The following BTBD16 variants were observed in gnomAD, a reference collection of about 807,000 sequenced individuals.
BTBD16 encodes BTB domain containing 16.
Under a neutral mutation model 67.4 loss-of-function variants are expected in BTBD16, and 66 were observed. The ratio of observed to expected loss-of-function variants is 0.98; its 90% CI spans 0.80 to 1.20. BTBD16 has a LOEUF of 1.20. Among genes scored for constraint, BTBD16 ranks in the 50% most tolerant of loss-of-function variants. The pLI is 0.00. For synonymous variants in BTBD16, 242 were observed against 236.4 expected (o/e 1.02, Z -0.22); for missense variants, 634 against 616.0 (o/e 1.03, Z -0.31).
intron 3 of BTBD16, among the ~76,000 whole-genome samples, chr10:122,279,545 C>CACAT (rs1398945812): frequency 6.6e-6 from 1 of 150,654 alleles, no homozygotes; most frequent in Non-Finnish European, 1.5e-5. Flanking sequence ...CACACACACA[C>CACAT]ATCTTTTCTT....
intron 13 of BTBD16, among the ~76,000 whole-genome samples, chr10:122,333,721 C>T (rs528810417): frequency 4.6e-5 from 7 of 151,832 alleles, no homozygotes; most frequent in Non-Finnish European, 8.8e-5. Context: ...TAAATGGAGC[C>T]ATGTGCAGCC....
intron 1 of BTBD16, among the ~76,000 whole-genome samples, chr10:122,274,510 A>G (rs2142039398): frequency 6.6e-6 from 1 of 152,132 alleles, no homozygotes; most frequent in Admixed American, 6.5e-5. Context: ...CCGCAACCCC[A>G]TAATCAAATG....
chr10:122,301,287 G>A (rs10788274), intron 9 of BTBD16, among the ~76,000 whole-genome samples: 97,798 of 152,098 alleles, frequency 0.64, 32,877 homozygotes, highest in East Asian at 0.91. Context: ...GACCACAACC[G>A]GAAGGTTAGC....
Position 122,334,494 on chromosome 10 carries a change from C to CTT in BTBD16, c.1165-358_1165-357dup, listed in dbSNP as rs869262992. Among the ~76,000 whole-genome samples, 114 of 43,284 alleles carry CTT rather than the reference C, an allele frequency of 2.6e-3. 18 individuals carry two copies. The highest frequency in any genetic ancestry group is 7.3e-3 in the African/African-American group (59 of 8,080). The allele number at this position is 43,284 out of a possible 152,430, so 28.4% of individuals were successfully genotyped here. ...ACAGGTGTGAGCCACCGTGCCCGGC[C>CTT]TTTTTTTTTTTTTTTTTTTTTTTTT... is the stretch of plus-strand genomic sequence containing the variant. On this transcript the variant is annotated intron_variant, in intron 13 of 15. Transcript: ENST00000260723.
At chr10:122,292,033 C>A (rs933889478) in intron 7 of BTBD16, among the ~76,000 whole-genome samples, 1 of 152,188 alleles carries the variant, frequency 6.6e-6, no homozygotes, top group Non-Finnish European at 1.5e-5. Context: ...GGTGTTTCCA[C>A]CTGCATCCAA....
intron 4 of BTBD16, among the ~76,000 whole-genome samples, chr10:122,285,246 C>T (rs1378865265): frequency 6.6e-6 from 1 of 152,132 alleles, no homozygotes; most frequent in Non-Finnish European, 1.5e-5. Context: ...AGGAGCTGAG[C>T]CATGCAGAGT....
At chr10:122,279,566 A>G (rs1166088207) in intron 3 of BTBD16, among the ~76,000 whole-genome samples, 1 of 136,268 alleles carries the variant, frequency 7.3e-6, no homozygotes, top group Non-Finnish European at 1.6e-5. Context: ...TGTGTTCACA[A>G]TAGGAATTTG....
At chr10:122,317,236 A>G (rs2096426888) in intron 10 of BTBD16, among the ~76,000 whole-genome samples, 1 of 152,252 alleles carries the variant, frequency 6.6e-6, no homozygotes, top group South Asian at 2.1e-4. Flanking sequence ...TTAGCTTAAA[A>G]CACAAACACG....
intron 10 of BTBD16, among the ~76,000 whole-genome samples, chr10:122,313,257 G>GTTTTTTTTTT (rs58984425): frequency 3.6e-5 from 5 of 139,138 alleles, no homozygotes; most frequent in African/African-American, 5.3e-5. Flanking sequence ...AGTTAGTGCT[G>GTTTTTTTTTT]TTTTTTTTTT....
At chr10:122,296,407 A>G (rs10887121) in intron 7 of BTBD16, among the ~76,000 whole-genome samples, 6,144 of 152,244 alleles carry the variant, frequency 0.04, 385 homozygotes, top group East Asian at 0.23. Context: ...ACATTTTAGA[A>G]TAAGTGCAAG....
At chr10:122,314,653 A>G (rs1043300988) in intron 10 of BTBD16, among the ~76,000 whole-genome samples, 24 of 152,250 alleles carry the variant, frequency 1.6e-4, no homozygotes, top group African/African-American at 5.8e-4. Context: ...ACATTTTTAT[A>G]TTCTAATTGT....
chr10:122,302,601 A>G (rs1421544318), intron 9 of BTBD16, among the ~76,000 whole-genome samples: 1 of 152,170 alleles, frequency 6.6e-6, no homozygotes, highest in Non-Finnish European at 1.5e-5. Flanking sequence ...CATCTGTCCC[A>G]TGGCTTTGCC....
intron 7 of BTBD16, among the ~76,000 whole-genome samples, chr10:122,294,433 A>G (rs972081613): frequency 6.6e-6 from 1 of 152,228 alleles, no homozygotes; most frequent in Admixed American, 6.5e-5. Context: ...CACAGCTTCC[A>G]CTGGGTGATG....
chr10:122,287,128 C>A (rs1315640126), intron 5 of BTBD16, among the ~76,000 whole-genome samples: 2 of 152,256 alleles, frequency 1.3e-5, no homozygotes, highest in East Asian at 3.8e-4. Flanking sequence ...CCCTTCCCCG[C>A]TGTGCAGGCA....
At chr10:122,304,795 T>C (rs911787) in intron 9 of BTBD16, among the ~76,000 whole-genome samples, 85,729 of 151,808 alleles carry the variant, frequency 0.56, 25,191 homozygotes, top group East Asian at 0.89. Flanking sequence ...CCTCGTGATC[T>C]GCCCGCCTCG....
chr10:122,310,407 A>G (rs1205324712), intron 10 of BTBD16, among the ~76,000 whole-genome samples: 6 of 152,210 alleles, frequency 3.9e-5, no homozygotes, highest in Non-Finnish European at 7.4e-5. Context: ...CTGCTGGCCT[A>G]GCAGGGCTGG....
intron 10 of BTBD16, among the ~76,000 whole-genome samples, chr10:122,307,766 G>T (rs771436892): frequency 6.6e-6 from 1 of 152,176 alleles, no homozygotes; most frequent in African/African-American, 2.4e-5. Flanking sequence ...ATGACGAGGC[G>T]AGTTTAAGGA....
chr10:122,327,601 T>A, intron 10 of BTBD16: 2 of 985,364 alleles, frequency 2.0e-6, no homozygotes, highest in Non-Finnish European at 2.4e-6. Context: ...GATGATGAGA[T>A]GACTCATGGC....
intron 10 of BTBD16, among the ~76,000 whole-genome samples, chr10:122,322,722 A>T (rs1342596370): frequency 1.3e-5 from 2 of 152,292 alleles, no homozygotes; most frequent in Non-Finnish European, 1.5e-5. Context: ...CAACTCGTTT[A>T]TCAGGAGCTC....
Sources: allele counts gnomAD v4.1 joint callset (sites outside exome capture counted in the v4.1 genomes callset), GRCh38; gene constraint gnomAD v4.1.1; transcripts MANE v1.5; gene names NCBI Gene and HGNC (gene_info 2026-07-23, HGNC 2026-07-21).